The following GRB2 variants were observed in gnomAD, a reference collection of about 807,000 sequenced individuals.
The protein encoded by GRB2 is growth factor receptor-bound protein 2.
A neutral mutation model predicts 27.4 loss-of-function variants in GRB2; 2 were observed. The observed-to-expected ratio is 0.07, with a 90% CI of 0.03 to 0.23. GRB2 has a LOEUF of 0.23. GRB2 is among the 10% of genes least tolerant of loss of function. GRB2 has a pLI of 1.00. For missense variants in GRB2, 102 were observed against 282.4 expected, an observed-to-expected ratio of 0.36 and a Z score of 4.58; for synonymous variants, 94 against 99.6, an observed-to-expected ratio of 0.94 and a Z score of 0.33.
At chr17:75,368,894 G>A (rs1464589975) in intron 2 of GRB2, among the ~76,000 whole-genome samples, 1 of 152,080 alleles carries the variant, frequency 6.6e-6, no homozygotes, top group Non-Finnish European at 1.5e-5. Flanking sequence ...CAGCTTGCCT[G>A]AAACAAAACT....
Position 75,332,808 on chromosome 17 carries a change from A to T in GRB2, c.79-11T>A. The T allele has an allele frequency of 1.3e-6, 2 of 1,530,992 alleles. No homozygotes were observed. The highest frequency in any genetic ancestry group is 1.8e-6 in the Non-Finnish European group (2 of 1,112,132). 94.8% of individuals were successfully genotyped at this position (1,530,992 alleles called of 1,614,324 possible). On this transcript the variant is annotated splice_polypyrimidine_tract_variant and intron_variant, in intron 2 of 5. Coordinates refer to ENST00000316804, the MANE Select transcript of GRB2 (RefSeq NM_002086.5). ...TTCTTCGTTCAAAACCTGAAAAGAA[A>T]TAAGACAACAAAAAAACCCAATCAT... is the stretch of plus-strand genomic sequence containing the variant.
chr17:75,332,469 C>A (rs535053065), intron 3 of GRB2, among the ~76,000 whole-genome samples: 3 of 152,150 alleles, frequency 2.0e-5, no homozygotes, highest in Non-Finnish European at 2.9e-5. Flanking sequence ...CACCAACTAT[C>A]GTTTTATTTT....
chr17:75,339,339 G>A (rs1165380145), intron 2 of GRB2, among the ~76,000 whole-genome samples: 12 of 151,440 alleles, frequency 7.9e-5, no homozygotes, highest in East Asian at 1.9e-4. Flanking sequence ...GACTACAGGC[G>A]CCCGCCACCA....
At chr17:75,382,914 T>A (rs2078938549) in intron 2 of GRB2, among the ~76,000 whole-genome samples, 1 of 152,162 alleles carries the variant, frequency 6.6e-6, no homozygotes, top group Non-Finnish European at 1.5e-5. Context: ...TATCACCATG[T>A]TAGCCAGGAT....
intron 2 of GRB2, among the ~76,000 whole-genome samples, chr17:75,355,773 T>TA (rs989707335): frequency 6.6e-6 from 1 of 151,238 alleles, no homozygotes; most frequent in Non-Finnish European, 1.5e-5. Context: ...TCCATCTATA[T>TA]ACATCCCTCT....
intron 2 of GRB2, among the ~76,000 whole-genome samples, chr17:75,346,578 CTTTTT>C (rs775027742): frequency 5.8e-5 from 4 of 68,758 alleles, no homozygotes; most frequent in East Asian, 4.7e-4. Flanking sequence ...CTTTTCTTGC[CTTTTT>C]TTTTTTTTTT....
At chr17:75,353,472 A>C (rs1310949811) in intron 2 of GRB2, among the ~76,000 whole-genome samples, 1 of 150,916 alleles carries the variant, frequency 6.6e-6, no homozygotes, top group East Asian at 2.0e-4. Flanking sequence ...TTAAAAAAAA[A>C]ACCATTTTTA....
intron 2 of GRB2, among the ~76,000 whole-genome samples, chr17:75,363,777 G>A (rs1029491970): frequency 2.0e-5 from 3 of 148,322 alleles, no homozygotes; most frequent in Non-Finnish European, 3.0e-5. Flanking sequence ...GGAGAATGGC[G>A]TGAACCCGGG....
chr17:75,333,395 G>C lies in GRB2; in HGVS notation c.79-598C>G, dbSNP rs1195131203. The stretch of plus-strand genomic sequence containing the variant: ...CCGGCCAGTTTTTTTGTTTGGTTTG[G>C]TTTTTCTAAGAGAGAAACCTGGAGA... On this transcript the variant is annotated intron_variant, in intron 2 of 5. Transcript: ENST00000316804. Among the ~76,000 whole-genome samples, 13 of 152,194 alleles carry C rather than the reference G, an allele frequency of 8.5e-5. No individual in the cohort carries two copies. In the East Asian group the frequency reaches 2.5e-3, roughly 29 times the overall value.
intron 1 of GRB2, among the ~76,000 whole-genome samples, chr17:75,394,643 T>C (rs2079019208): frequency 6.6e-6 from 1 of 152,192 alleles, no homozygotes; most frequent in Non-Finnish European, 1.5e-5. Flanking sequence ...TAATCTACAC[T>C]TGAAAGGAAT....
At chr17:75,371,314 G>GT (rs2145855137) in intron 2 of GRB2, 1 of 152,012 alleles carries the variant, frequency 6.6e-6, no homozygotes, top group South Asian at 2.1e-4. Flanking sequence ...AAATTCAAGG[G>GT]TTTCTATTTC....
intron 2 of GRB2, among the ~76,000 whole-genome samples, chr17:75,391,617 G>C (rs755243263): frequency 5.9e-5 from 9 of 152,146 alleles, no homozygotes; most frequent in Non-Finnish European, 1.0e-4. Flanking sequence ...GATCATCCTG[G>C]CTAACATGGT....
intron 2 of GRB2, among the ~76,000 whole-genome samples, chr17:75,334,433 AGTGCTGGGATTACAGGCACGAGCCACC>A (rs1418681140): frequency 5.9e-5 from 9 of 151,960 alleles, no homozygotes; most frequent in African/African-American, 2.2e-4. Context: ...GGCCTCCCAA[AGTGCTGGGATTACAGGCACGAGCCACC>A]GTGCCCAGCC....
intron 2 of GRB2, among the ~76,000 whole-genome samples, chr17:75,391,624 T>C (rs2078999020): frequency 6.6e-6 from 1 of 152,006 alleles, no homozygotes; most frequent in South Asian, 2.1e-4. Flanking sequence ...CTGGCTAACA[T>C]GGTGAAATCC....
Position 75,393,997 on chromosome 17 carries a change from GAA to G in GRB2, c.-137-234_-137-233del, listed in dbSNP as rs781022470. On this transcript the variant is annotated intron_variant, in intron 1 of 5. Transcript: ENST00000316804. Reference sequence around the variant, plus strand: ...TGGCACAGCTGCCTGAGCTATTCCTGAACACACTTCCTCTTCCTTCCCGCTGG... The same window carrying G: ...TGGCACAGCTGCCTGAGCTATTCCTGCACACTTCCTCTTCCTTCCCGCTGG... 1.9e-4 allele frequency: 62 copies of G among 319,400 alleles called. 1 individual carries two copies. Among genetic ancestry groups the G allele is most frequent in the Admixed American group, 4.2e-4 (9 of 21,196 alleles). The allele number at this position is 319,400 out of a possible 1,614,324, so 19.8% of individuals were successfully genotyped here. A position where few individuals can be genotyped will look rare whatever the true frequency, so the allele number is the denominator to read the frequency against.
chr17:75,351,963 A>G (rs1321179709), intron 2 of GRB2, among the ~76,000 whole-genome samples: 1 of 152,246 alleles, frequency 6.6e-6, no homozygotes, highest in Non-Finnish European at 1.5e-5. Flanking sequence ...CAAGACCCCA[A>G]GTACAGGCCT....
At chr17:75,337,443 G>A (rs116380492) in intron 2 of GRB2, among the ~76,000 whole-genome samples, 4,315 of 152,012 alleles carry the variant, frequency 0.028, 209 homozygotes, top group African/African-American at 0.099. Flanking sequence ...GAATGTTGAA[G>A]AGCTCGAGGT....
intron 2 of GRB2, among the ~76,000 whole-genome samples, chr17:75,335,912 T>C (rs2078574110): frequency 1.3e-5 from 2 of 152,322 alleles, no homozygotes; most frequent in African/African-American, 4.8e-5. Flanking sequence ...AAACACTGCA[T>C]TGTGCTGCAG....
intron 2 of GRB2, among the ~76,000 whole-genome samples, chr17:75,386,758 TA>T (rs1180986117): frequency 6.6e-6 from 1 of 152,200 alleles, no homozygotes; most frequent in Non-Finnish European, 1.5e-5. Flanking sequence ...TTGTGATGGG[TA>T]CACCCAGTAC....
Sources: allele counts gnomAD v4.1 joint callset (sites outside exome capture counted in the v4.1 genomes callset), GRCh38; gene constraint gnomAD v4.1.1; transcripts MANE v1.5; gene names NCBI Gene and HGNC (gene_info 2026-07-23, HGNC 2026-07-21).